MCTP1: variants seen among roughly 807,000 people sequenced by gnomAD.
The protein encoded by MCTP1 is multiple C2 and transmembrane domain containing 1.
In MCTP1, 69 loss-of-function variants were observed where a neutral mutation model predicts 120.6. The ratio of observed to expected loss-of-function variants is 0.57; its 90% CI spans 0.47 to 0.70. The LOEUF is 0.70. Ranked by LOEUF, MCTP1 falls within the 30% of genes least tolerant of loss-of-function variation. The pLI is 0.00. For synonymous variants in MCTP1, 529 were observed against 493.1 expected (o/e 1.07, Z -0.96); for missense variants, 1,203 against 1,248.8 (o/e 0.96, Z 0.55).
chr5:94,949,897 A>G (rs1820053886), intron 3 of MCTP1, among the ~76,000 whole-genome samples: 1 of 152,150 alleles, frequency 6.6e-6, no homozygotes, highest in Non-Finnish European at 1.5e-5. Flanking sequence ...ACAGGCCTGC[A>G]TAGAGACAAT....
chr5:95,001,030 T>TGTTCTCACGATAGTGAGTGA (rs1833578624), intron 2 of MCTP1, among the ~76,000 whole-genome samples: 1 of 152,218 alleles, frequency 6.6e-6, no homozygotes, highest in South Asian at 2.1e-4. Flanking sequence ...TCCTCCATGC[T>TGTTCTCACGATAGTGAGTGA]GTTCTCACGA....
chr5:94,854,236 C>T (rs1056468476), intron 17 of MCTP1, among the ~76,000 whole-genome samples: 2 of 151,764 alleles, frequency 1.3e-5, no homozygotes, highest in Non-Finnish European at 2.9e-5. Flanking sequence ...CGCCAAAACA[C>T]AGTAAGAAAA....
At chr5:95,197,907 C>G (rs1163129793) in intron 1 of MCTP1, among the ~76,000 whole-genome samples, 1 of 152,124 alleles carries the variant, frequency 6.6e-6, no homozygotes, top group Non-Finnish European at 1.5e-5. Flanking sequence ...TACTTGACAT[C>G]ATCTCTAGAT....
chr5:95,141,865 G>C (rs1759959644), intron 1 of MCTP1, among the ~76,000 whole-genome samples: 1 of 152,062 alleles, frequency 6.6e-6, no homozygotes, highest in Admixed American at 6.6e-5. Flanking sequence ...ACTTCATGCT[G>C]ATCACTTTCT....
intron 1 of MCTP1, among the ~76,000 whole-genome samples, chr5:95,231,107 G>A (rs1438224542): frequency 6.6e-6 from 1 of 151,886 alleles, no homozygotes; most frequent in Non-Finnish European, 1.5e-5. Context: ...GTGAACACTG[G>A]GACATTTCCT....
intron 2 of MCTP1, among the ~76,000 whole-genome samples, chr5:94,977,050 G>T (rs1269725428): frequency 2.0e-5 from 3 of 152,018 alleles, no homozygotes; most frequent in African/African-American, 7.2e-5. Flanking sequence ...GTTTGCAGAT[G>T]ATGTCATCTT....
At chr5:95,262,652 C>A (rs1477351183) in intron 1 of MCTP1, among the ~76,000 whole-genome samples, 1 of 152,160 alleles carries the variant, frequency 6.6e-6, no homozygotes, top group Non-Finnish European at 1.5e-5. Flanking sequence ...TCCTTGTAAA[C>A]ATAATTGTAG....
intron 17 of MCTP1, among the ~76,000 whole-genome samples, chr5:94,850,522 T>A (rs1338554090): frequency 6.6e-6 from 1 of 152,044 alleles, no homozygotes; most frequent in Non-Finnish European, 1.5e-5. Flanking sequence ...AGGTAAACAA[T>A]TTTATATAAT....
At chr5:94,937,464 A>G (rs1295853530) in intron 5 of MCTP1, among the ~76,000 whole-genome samples, 1 of 152,016 alleles carries the variant, frequency 6.6e-6, no homozygotes, top group African/African-American at 2.4e-5. Context: ...GAAGAAAACC[A>G]TATTTTTGAT....
rs368761346 is a variant in MCTP1 at position 94,802,042 on chromosome 5, A to G, written c.2437-2910T>C. ...GTCCTAATAACATGGGCACCAGAACATGGATTGGAGAAAGACACAGAAGAC... is the reference window on the plus strand; with the variant it reads ...GTCCTAATAACATGGGCACCAGAACGTGGATTGGAGAAAGACACAGAAGAC... On this transcript the variant is annotated intron_variant, in intron 17 of 22. Transcript: ENST00000515393. 5.3e-5 allele frequency among the ~76,000 whole-genome samples: 8 copies of G among 152,302 alleles called. 1 individual carries two copies. The highest frequency in any genetic ancestry group is 3.9e-4 in the East Asian group (2 of 5,184).
chr5:94,875,435 T>A (rs916310787), intron 12 of MCTP1, among the ~76,000 whole-genome samples: 2 of 152,000 alleles, frequency 1.3e-5, no homozygotes, highest in African/African-American at 4.8e-5. Context: ...GGTCTGGAGA[T>A]AGTGGCAGGT....
At chr5:95,073,670 G>A (rs1360416001) in intron 1 of MCTP1, among the ~76,000 whole-genome samples, 1 of 152,140 alleles carries the variant, frequency 6.6e-6, no homozygotes, top group African/African-American at 2.4e-5. Context: ...GAGAGGGAAG[G>A]GCAGGAATAT....
intron 1 of MCTP1, among the ~76,000 whole-genome samples, chr5:95,179,956 T>C (rs1418014700): frequency 6.6e-6 from 1 of 152,070 alleles, no homozygotes; most frequent in African/African-American, 2.4e-5. Flanking sequence ...AAAAAGATAT[T>C]CCATTCAAAT....
At chr5:94,812,473 A>G (rs1049163849) in intron 17 of MCTP1, among the ~76,000 whole-genome samples, 19 of 147,962 alleles carry the variant, frequency 1.3e-4, no homozygotes, top group African/African-American at 3.8e-4. Flanking sequence ...AAAAAAACCC[A>G]AAAAACTAAA....
chr5:95,004,939 C>T (rs536523643), intron 2 of MCTP1, among the ~76,000 whole-genome samples: 1 of 152,294 alleles, frequency 6.6e-6, no homozygotes, highest in East Asian at 1.9e-4. Context: ...GTAGACCTAT[C>T]AACAGCTTGC....
At chr5:95,257,913 T>C (rs1357380842) in intron 1 of MCTP1, among the ~76,000 whole-genome samples, 1 of 151,070 alleles carries the variant, frequency 6.6e-6, no homozygotes, top group African/African-American at 2.4e-5. Context: ...AGCAAAGAAA[T>C]AAATACAGTA....
chr5:94,944,452 T>C (rs774261609), intron 3 of MCTP1, among the ~76,000 whole-genome samples: 31 of 152,138 alleles, frequency 2.0e-4, no homozygotes, highest in African/African-American at 5.3e-4. Flanking sequence ...CACCAAAACA[T>C]TGGAGAAATT....
intron 19 of MCTP1, among the ~76,000 whole-genome samples, chr5:94,753,247 G>A (rs1215416599): frequency 6.6e-6 from 1 of 151,802 alleles, no homozygotes; most frequent in Non-Finnish European, 1.5e-5. Flanking sequence ...AACAAACCAG[G>A]CATTATTCTA....
At chr5:94,770,891 C>T (rs969582987) in intron 19 of MCTP1, among the ~76,000 whole-genome samples, 6 of 152,158 alleles carry the variant, frequency 3.9e-5, no homozygotes, top group Admixed American at 3.3e-4. Context: ...TAATCATCAC[C>T]TAATAAAGCC....
Sources: allele counts gnomAD v4.1 joint callset (sites outside exome capture counted in the v4.1 genomes callset), GRCh38; gene constraint gnomAD v4.1.1; transcripts MANE v1.5; gene names NCBI Gene and HGNC (gene_info 2026-07-23, HGNC 2026-07-21).